Variants in STXBP5 observed in about 807,000 individuals in gnomAD.
STXBP5 encodes the protein syntaxin binding protein 5.
STXBP5 carries 50 observed loss-of-function variants against 152.4 expected under a neutral mutation model. The observed-to-expected ratio is 0.33, with a 90% CI of 0.26 to 0.42. The LOEUF (loss-of-function observed/expected upper bound fraction) is 0.42. STXBP5 is among the 10% of genes least tolerant of loss of function. STXBP5 has a pLI of 1.00. For missense variants in STXBP5, 1,167 were observed against 1,388.6 expected, an observed-to-expected ratio of 0.84 and a Z score of 2.54; for synonymous variants, 492 against 494.7, an observed-to-expected ratio of 0.99 and a Z score of 0.07.
In STXBP5 at chr6:147,339,311, A is replaced by G; in HGVS notation, c.2207-26A>G. 2.6e-6 allele frequency: 4 copies of G among 1,515,588 alleles called. 1 individual carries two copies. The South Asian group carries it at 3.9e-5, about 15-fold the overall frequency. 93.9% of individuals were successfully genotyped at this position (1,515,588 alleles called of 1,614,324 possible). ...TAGTTTACTTTGACTAGATTTTGAC[A>G]TTTTATATCAAAATATTGTTTTCAG... is the stretch of plus-strand genomic sequence containing the variant. On this transcript the variant is annotated intron_variant, in intron 20 of 27. Coordinates refer to ENST00000321680, the MANE Select transcript of STXBP5 (RefSeq NM_001127715.4).
intron 22 of STXBP5, among the ~76,000 whole-genome samples, chr6:147,357,336 G>T (rs893413920): frequency 2.6e-5 from 4 of 152,024 alleles, no homozygotes; most frequent in African/African-American, 9.7e-5. Context: ...CCTAAAAGTA[G>T]GTAAGTGCAG....
chr6:147,326,176 A>T (rs569535851), intron 17 of STXBP5, among the ~76,000 whole-genome samples: 2 of 152,238 alleles, frequency 1.3e-5, no homozygotes, highest in African/African-American at 4.8e-5. Context: ...CATATCTTTT[A>T]TTTGCTGCCA....
intron 14 of STXBP5, 103 bp downstream of exon 14, chr6:147,314,739 TAG>T (rs1447719084): frequency 3.6e-6 from 3 of 829,766 alleles, no homozygotes; most frequent in Non-Finnish European, 3.5e-6. Flanking sequence ...ATTTGAAATG[TAG>T]AGGTTATAAA....
At chr6:147,295,927 G>A (rs1476029977) in intron 9 of STXBP5, among the ~76,000 whole-genome samples, 1 of 152,116 alleles carries the variant, frequency 6.6e-6, no homozygotes, top group Non-Finnish European at 1.5e-5. Context: ...CACTTCATTT[G>A]TCCACTCTTG....
chr6:147,342,078 T>A (rs967747041), intron 21 of STXBP5, among the ~76,000 whole-genome samples: 3 of 152,168 alleles, frequency 2.0e-5, no homozygotes, highest in African/African-American at 2.4e-5. Flanking sequence ...TTAATACAAT[T>A]TACAGAAAAC....
chr6:147,372,406 CCTTT>C lies in STXBP5; in HGVS notation c.3082-1324_3082-1321del, dbSNP rs1785589151. Among the ~76,000 whole-genome samples, 25 of 39,108 alleles carry C rather than the reference CCTTT, an allele frequency of 6.4e-4. 8 individuals are homozygous for C. The highest frequency in any genetic ancestry group is 2.2e-3 in the East Asian group (2 of 918). 25.7% of individuals were successfully genotyped at this position (39,108 alleles called of 152,430 possible). A position where few individuals can be genotyped will look rare whatever the true frequency, so the allele number is the denominator to read the frequency against. ...ATATAAATGTTACTACCGTCCTTTT[CCTTT>C]TTTTTTTTTTTTTTTTTTTTTTTTT... is the stretch of plus-strand genomic sequence containing the variant. On this transcript the variant is annotated intron_variant, in intron 25 of 27. Transcript: ENST00000321680.
intron 2 of STXBP5, among the ~76,000 whole-genome samples, chr6:147,226,523 A>C (rs1777722926): frequency 1.3e-5 from 2 of 152,184 alleles, no homozygotes; most frequent in African/African-American, 4.8e-5. Flanking sequence ...TAATTCAGCC[A>C]AAGATGGTCC....
chr6:147,244,483 A>T lies in STXBP5; in HGVS notation c.431+5213A>T, dbSNP rs1345001197. Among the ~76,000 whole-genome samples, 7 of 152,154 alleles carry T rather than the reference A, an allele frequency of 4.6e-5. No homozygotes were observed. The East Asian group carries it at 1.3e-3, about 29-fold the overall frequency. ...TTGGCTTTTTGAAAGAGGACTATTGACTGTAGCATTTACTTATTTTGTACT... is the reference window on the plus strand; with the variant it reads ...TTGGCTTTTTGAAAGAGGACTATTGTCTGTAGCATTTACTTATTTTGTACT... On this transcript the variant is annotated intron_variant, in intron 4 of 27. Transcript: ENST00000321680.
chr6:147,266,323 T>G (rs1562449419), intron 6 of STXBP5, among the ~76,000 whole-genome samples: 1 of 152,086 alleles, frequency 6.6e-6, no homozygotes, highest in Non-Finnish European at 1.5e-5. Flanking sequence ...TCTAGAACTC[T>G]TAACTCTAGC....
At chr6:147,353,885 A>G (rs549220225) in intron 22 of STXBP5, among the ~76,000 whole-genome samples, 1 of 152,278 alleles carries the variant, frequency 6.6e-6, no homozygotes, top group East Asian at 1.9e-4. Context: ...TTTATTATGA[A>G]AGCAGGATGA....
chr6:147,292,134 A>G (rs543496970), intron 9 of STXBP5: 37 of 384,290 alleles, frequency 9.6e-5, no homozygotes, highest in African/African-American at 5.6e-4. Context: ...GGATATTACA[A>G]CTGGCCCACT....
intron 21 of STXBP5, among the ~76,000 whole-genome samples, chr6:147,344,442 G>A (rs944350781): frequency 6.6e-6 from 1 of 152,176 alleles, no homozygotes; most frequent in African/African-American, 2.4e-5. Context: ...TTATTAGTTT[G>A]TTAGGACAGC....
intron 25 of STXBP5, among the ~76,000 whole-genome samples, chr6:147,365,934 A>G (rs1489431338): frequency 1.3e-5 from 2 of 152,210 alleles, no homozygotes; most frequent in Admixed American, 1.3e-4. Context: ...AACAAAGCAG[A>G]CAGAACTCAT....
At chr6:147,235,380 C>G in intron 3 of STXBP5, 49 bp downstream of exon 3, 1 of 1,438,496 alleles carries the variant, frequency 7.0e-7, no homozygotes, top group Non-Finnish European at 9.6e-7. Context: ...AATAGGGCCA[C>G]TTCTAGTCTT....
At chr6:147,300,717 G>A (rs751058180) in intron 9 of STXBP5, among the ~76,000 whole-genome samples, 1 of 152,024 alleles carries the variant, frequency 6.6e-6, no homozygotes, top group Non-Finnish European at 1.5e-5. Context: ...AGAATACATG[G>A]GAAATGCTTC....
At chr6:147,314,474 C>T in intron 13 of STXBP5, 122 bp from the exon 14 acceptor site, 1 of 1,298,482 alleles carries the variant, frequency 7.7e-7, no homozygotes, top group South Asian at 1.3e-5. Context: ...TAAGAACCTG[C>T]CAGTTTACCC....
chr6:147,214,818 G>A (rs955050223), intron 2 of STXBP5, among the ~76,000 whole-genome samples: 2 of 152,152 alleles, frequency 1.3e-5, no homozygotes, highest in African/African-American at 4.8e-5. Context: ...ATGCAAATCA[G>A]CAAAATCAGC....
chr6:147,239,944 C>CTT (rs748804277), intron 4 of STXBP5, among the ~76,000 whole-genome samples: 3 of 143,608 alleles, frequency 2.1e-5, no homozygotes, highest in Admixed American at 7.0e-5. Context: ...TTGTGGTACT[C>CTT]TTTTTTTTTT....
At chr6:147,358,417 A>G (rs1269899958) in intron 22 of STXBP5, among the ~76,000 whole-genome samples, 3 of 152,172 alleles carry the variant, frequency 2.0e-5, no homozygotes, top group Non-Finnish European at 4.4e-5. Flanking sequence ...GCACATTCAG[A>G]TATTCATCGG....
Sources: gnomAD v4.1 joint callset for allele counts (sites outside exome capture counted in the v4.1 genomes callset) on GRCh38, gnomAD v4.1.1 for gene constraint, MANE v1.5 for transcripts, NCBI Gene and HGNC (gene_info 2026-07-23, HGNC 2026-07-21) for gene names.